SH3RF2: variants seen among roughly 807,000 people sequenced by gnomAD.
SH3RF2 encodes the protein SH3 domain containing ring finger 2, also known as E3 ubiquitin-protein ligase SH3RF2.
Under a neutral mutation model 59.0 loss-of-function variants are expected in SH3RF2, and 43 were observed. That is an observed-to-expected ratio of 0.73 (90% CI 0.57 to 0.94). The LOEUF (loss-of-function observed/expected upper bound fraction) is 0.94, where lower values mean the gene tolerates loss of function less well. SH3RF2 is among the 40% of genes least tolerant of loss of function. SH3RF2 has a pLI of 0.00. For synonymous variants in SH3RF2, 391 were observed against 391.5 expected (o/e 1.00, Z 0.01); for missense variants, 930 against 940.1 (o/e 0.99, Z 0.14).
At chr5:146,047,637 C>G (rs994115742) in intron 5 of SH3RF2, 135 bp from the exon 6 acceptor site, 1 of 742,244 alleles carries the variant, frequency 1.3e-6, no homozygotes, top group Non-Finnish European at 2.2e-6. Flanking sequence ...ACAGAGAGGA[C>G]GCACAATGGG....
Position 146,056,199 on chromosome 5 carries a change from G to A in SH3RF2, c.1541G>A (p.Ser514Asn). Residue 514 changes from serine to asparagine, a missense_variant, in exon 8 of 10, where the codon AGC (serine) becomes AAC (asparagine). Physicochemically the swap from Ser to Asn is conservative, Grantham distance 46. Transcript: ENST00000359120. ...LGQGSLRKGR[S>N]SMRKNGSLQR... The stretch of plus-strand genomic sequence containing the variant: ...CAAGGGTCTCTTCGGAAAGGGCGGA[G>A]CAGCATGAGAAAGAGTAAGTGGTGG... The A allele has an allele frequency of 6.2e-7, 1 of 1,614,234 alleles. No individual in the cohort carries two copies. Among genetic ancestry groups the A allele is most frequent in the Admixed American group, 1.7e-5 (1 of 60,026 alleles).
intron 4 of SH3RF2, among the ~76,000 whole-genome samples, chr5:146,006,258 T>C (rs1760640405): frequency 6.6e-6 from 1 of 151,998 alleles, no homozygotes; most frequent in East Asian, 1.9e-4. Flanking sequence ...CTCCCATCTC[T>C]ACAGAAAATT....
intron 2 of SH3RF2, among the ~76,000 whole-genome samples, chr5:145,939,741 G>A (rs1025294505): frequency 6.6e-6 from 1 of 152,158 alleles, no homozygotes; most frequent in Non-Finnish European, 1.5e-5. Context: ...TCTCAAACAT[G>A]CCTTGTTTGT....
chr5:146,064,856 GA>G (rs1283178077), downstream of SH3RF2, among the ~76,000 whole-genome samples: 8 of 24,644 alleles, frequency 3.2e-4, no homozygotes, highest in Non-Finnish European at 1.4e-3. Context: ...AAGAAAGAAA[GA>G]AAGAAAGAGA....
chr5:146,036,465 C>T (rs1342914166), intron 5 of SH3RF2, among the ~76,000 whole-genome samples: 3 of 152,132 alleles, frequency 2.0e-5, no homozygotes, highest in South Asian at 2.1e-4. Flanking sequence ...GAGGCTGAGG[C>T]GGGTGGATCA....
At chr5:146,042,387 C>A (rs1311705480) in intron 5 of SH3RF2, among the ~76,000 whole-genome samples, 1 of 152,150 alleles carries the variant, frequency 6.6e-6, no homozygotes, top group Admixed American at 6.5e-5. Context: ...ACTTACATTG[C>A]GTCAAACCCT....
intron 2 of SH3RF2, among the ~76,000 whole-genome samples, chr5:145,981,074 G>A (rs1759488938): frequency 6.6e-6 from 1 of 152,074 alleles, no homozygotes; most frequent in Non-Finnish European, 1.5e-5. Context: ...TGCAGTCAGT[G>A]TCTAAATTTC....
chr5:146,057,767 T>C (rs544770300), intron 8 of SH3RF2, among the ~76,000 whole-genome samples: 1 of 152,012 alleles, frequency 6.6e-6, no homozygotes, highest in South Asian at 2.1e-4. Flanking sequence ...TAGTGAGACC[T>C]CATCTCTAAA....
chr5:146,037,081 T>C (rs533183687), intron 5 of SH3RF2, among the ~76,000 whole-genome samples: 3 of 152,344 alleles, frequency 2.0e-5, no homozygotes, highest in South Asian at 2.1e-4. Flanking sequence ...TCCCCAGACA[T>C]CTGCTTTGTA....
chr5:146,017,809 C>A (rs1357652212), intron 5 of SH3RF2, among the ~76,000 whole-genome samples: 5 of 152,124 alleles, frequency 3.3e-5, no homozygotes, highest in Admixed American at 6.5e-5. Context: ...CACACTCAAT[C>A]ACTTCGCCTC....
intron 2 of SH3RF2, among the ~76,000 whole-genome samples, chr5:145,976,784 A>G (rs73312168): frequency 0.085 from 12,936 of 152,226 alleles, 1,872 homozygotes; most frequent in African/African-American, 0.29. Flanking sequence ...AGCTGGGCTT[A>G]CTAGCCAGTT....
intron 6 of SH3RF2, 109 bp downstream of exon 6, chr5:146,047,972 C>T (rs1762368225): frequency 2.9e-6 from 3 of 1,042,910 alleles, no homozygotes; most frequent in African/African-American, 3.2e-5. Context: ...CATCCAGAGA[C>T]AATAGGTCGC....
chr5:146,023,959 A>G (rs1761430801), intron 5 of SH3RF2, among the ~76,000 whole-genome samples: 1 of 152,234 alleles, frequency 6.6e-6, no homozygotes. Flanking sequence ...TTTATGGCAA[A>G]TAACATTCTA....
downstream of SH3RF2, among the ~76,000 whole-genome samples, chr5:146,064,616 G>GAGA (rs1763007400): frequency 9.7e-5 from 4 of 41,312 alleles, no homozygotes; most frequent in African/African-American, 3.6e-4. Context: ...AGAGAGAGAG[G>GAGA]GAGAGAGAGA....
At chr5:145,974,384 G>T (rs1221658219) in intron 2 of SH3RF2, among the ~76,000 whole-genome samples, 1 of 152,134 alleles carries the variant, frequency 6.6e-6, no homozygotes, top group African/African-American at 2.4e-5. Flanking sequence ...TTTCATGGGG[G>T]TAGGAGCACC....
intron 4 of SH3RF2, among the ~76,000 whole-genome samples, chr5:146,013,474 G>A (rs988204316): frequency 6.6e-6 from 1 of 152,192 alleles, no homozygotes. Flanking sequence ...AGCCAGGGAA[G>A]AGCATCATGG....
intron 2 of SH3RF2, among the ~76,000 whole-genome samples, chr5:145,981,149 C>A (rs1410576257): frequency 6.6e-6 from 1 of 152,024 alleles, no homozygotes; most frequent in Non-Finnish European, 1.5e-5. Flanking sequence ...GGCTGGAGTG[C>A]AGTGGCATGA....
At chr5:146,035,666 C>A (rs2150007082) in intron 5 of SH3RF2, among the ~76,000 whole-genome samples, 1 of 152,312 alleles carries the variant, frequency 6.6e-6, no homozygotes, top group South Asian at 2.1e-4. Context: ...GGTCCACATT[C>A]CTTAGTTCAG....
chr5:145,994,407 T>C (rs1406185718), intron 2 of SH3RF2, among the ~76,000 whole-genome samples: 3 of 152,162 alleles, frequency 2.0e-5, no homozygotes, highest in Admixed American at 2.0e-4. Context: ...TACCAATTTA[T>C]TGTATTAGTC....
Sources: gnomAD v4.1 joint callset for allele counts (sites outside exome capture counted in the v4.1 genomes callset) on GRCh38, gnomAD v4.1.1 for gene constraint, MANE v1.5 for transcripts, NCBI Gene and HGNC (gene_info 2026-07-23, HGNC 2026-07-21) for gene names.